Variants in ADAMTS6 observed in about 807,000 individuals in gnomAD.
The protein encoded by ADAMTS6 is ADAM metallopeptidase with thrombospondin type 1 motif 6.
Under a neutral mutation model 144.3 loss-of-function variants are expected in ADAMTS6, and 23 were observed. The ratio of observed to expected loss-of-function variants is 0.16; its 90% CI spans 0.11 to 0.23. The LOEUF is 0.23. Ranked by LOEUF, ADAMTS6 falls within the 10% of genes least tolerant of loss-of-function variation. ADAMTS6 has a pLI of 1.00. For missense variants in ADAMTS6, 999 were observed against 1,379.6 expected, an observed-to-expected ratio of 0.72 and a Z score of 4.37; for synonymous variants, 444 against 457.5, an observed-to-expected ratio of 0.97 and a Z score of 0.38.
At chr5:65,168,252 A>G (rs1228765631) in intron 24 of ADAMTS6, among the ~76,000 whole-genome samples, 4 of 150,962 alleles carry the variant, frequency 2.6e-5, no homozygotes, top group Non-Finnish European at 5.9e-5. Flanking sequence ...AGACAAACAG[A>G]GAGCCAAATC....
rs192639588 is a variant in ADAMTS6, at chr5:65,456,365, T to C, written c.632-3447A>G. ...TCATAAACACATACAACACAATAAC[T>C]TTTTCCCAAAATCAATATATGGATT... is the stretch of plus-strand genomic sequence containing the variant. On this transcript the variant is annotated intron_variant, in intron 4 of 24. Transcript: ENST00000381055. 2.5e-3 allele frequency among the ~76,000 whole-genome samples: 381 copies of C among 152,256 alleles called. 3 individuals are homozygous for C. Among genetic ancestry groups the C allele is most frequent in the African/African-American group, 8.9e-3 (369 of 41,544 alleles).
At chr5:65,297,421 T>A (rs977490952) in intron 10 of ADAMTS6, among the ~76,000 whole-genome samples, 17 of 152,292 alleles carry the variant, frequency 1.1e-4, no homozygotes, top group African/African-American at 4.1e-4. Context: ...AAATCCACCA[T>A]CATCTTTGGC....
In ADAMTS6 at chr5:65,200,820, C is replaced by T. The variant is rs137974157; in HGVS notation, c.2576-3669G>A. Among the ~76,000 whole-genome samples, 416 of 152,196 alleles carry T rather than the reference C, an allele frequency of 2.7e-3. 3 individuals are homozygous for T. Among genetic ancestry groups the T allele is most frequent in the African/African-American group, 9.7e-3 (403 of 41,540 alleles). The stretch of plus-strand genomic sequence containing the variant: ...AGATGATATTGCCAATATATATTTA[C>T]TTTAAACCCTCTACAAAAGGTATAT... On this transcript the variant is annotated intron_variant, in intron 20 of 24. Coordinates refer to ENST00000381055, the MANE Select transcript of ADAMTS6 (RefSeq NM_197941.4).
At chr5:65,251,786 C>A in intron 14 of ADAMTS6, 1 of 152,122 alleles carries the variant, frequency 6.6e-6, no homozygotes, top group East Asian at 1.9e-4. Flanking sequence ...GCTTGACATC[C>A]TTTTCTGATC....
intron 10 of ADAMTS6, 117 bp downstream of exon 10, chr5:65,299,868 C>T: frequency 8.8e-7 from 1 of 1,133,280 alleles, no homozygotes; most frequent in Non-Finnish European, 1.2e-6. Flanking sequence ...AAAGTTGAAA[C>T]ATCAGTAGGC....
At position 65,452,689 on chromosome 5, in the gene ADAMTS6, T is replaced by G; in HGVS notation, c.843+18A>C. ...AACAAATATGAAGTAAAATATTATA[T>G]AGAGGGATCAAACTTACAATATTCA... On this transcript the variant is annotated intron_variant, in intron 5 of 24. Transcript: ENST00000381055. 6.2e-7 allele frequency: 1 copy of G among 1,612,562 alleles called. No homozygotes were observed. Among genetic ancestry groups the G allele is most frequent in the South Asian group, 1.1e-5 (1 of 91,004 alleles).
intron 7 of ADAMTS6, among the ~76,000 whole-genome samples, chr5:65,391,944 C>G (rs538438539): frequency 3.6e-4 from 55 of 152,168 alleles, no homozygotes; most frequent in East Asian, 1.7e-3. Context: ...CCACATTGGC[C>G]AGGCTGGTCT....
intron 4 of ADAMTS6, among the ~76,000 whole-genome samples, chr5:65,454,463 G>A (rs957146267): frequency 1.2e-4 from 19 of 152,166 alleles, no homozygotes; most frequent in African/African-American, 4.6e-4. Flanking sequence ...CCTCCAGATA[G>A]TGTTTCTCTA....
At chr5:65,215,034 C>T in intron 19 of ADAMTS6, 102 bp from the exon 20 acceptor site, 1 of 1,423,826 alleles carries the variant, frequency 7.0e-7, no homozygotes, top group Non-Finnish European at 9.4e-7. Flanking sequence ...ACAAGTCTTA[C>T]AGGAAACTTA....
chr5:65,182,173 C>T (rs73103501), intron 22 of ADAMTS6, among the ~76,000 whole-genome samples: 22,990 of 151,848 alleles, frequency 0.15, 2,998 homozygotes, highest in African/African-American at 0.35. Flanking sequence ...AGCCTGGGTG[C>T]GGTGGCTCAC....
At chr5:65,226,389 G>A (rs1757726552) in intron 15 of ADAMTS6, among the ~76,000 whole-genome samples, 170 bp from the exon 16 acceptor site, 1 of 151,748 alleles carries the variant, frequency 6.6e-6, no homozygotes, top group Non-Finnish European at 1.5e-5. Flanking sequence ...TATTTTAATT[G>A]GTGGTGCAAC....
intron 7 of ADAMTS6, among the ~76,000 whole-genome samples, chr5:65,413,690 C>A (rs1243377830): frequency 6.6e-6 from 1 of 151,950 alleles, no homozygotes; most frequent in African/African-American, 2.4e-5. Flanking sequence ...CCTGTTCTTA[C>A]ACATTTAGAG....
At chr5:65,234,510 A>G (rs1758522093) in intron 15 of ADAMTS6, among the ~76,000 whole-genome samples, 1 of 152,082 alleles carries the variant, frequency 6.6e-6, no homozygotes, top group African/African-American at 2.4e-5. Context: ...AAGGTGTGCA[A>G]AATCACTAAT....
chr5:65,195,648 T>A (rs923580147), intron 21 of ADAMTS6, among the ~76,000 whole-genome samples: 5 of 152,256 alleles, frequency 3.3e-5, no homozygotes, highest in Admixed American at 1.3e-4. Context: ...GGATTATTTA[T>A]GTATTTTAAC....
chr5:65,272,794 A>C (rs1231239373), intron 12 of ADAMTS6, among the ~76,000 whole-genome samples: 4 of 151,626 alleles, frequency 2.6e-5, no homozygotes, highest in African/African-American at 9.7e-5. Flanking sequence ...GGTGGTGTGT[A>C]CCTGTAGTCC....
rs79080194 is a variant in ADAMTS6, at chr5:65,261,376, T to C, written c.1767-713A>G. On this transcript the variant is annotated intron_variant, in intron 13 of 24. Transcript: ENST00000381055. Reference sequence around the variant, plus strand: ...TTGCTATTATTTGGGCATACTACCATTGAGTGATAAAAACAACTAATTTCT... The same window carrying C: ...TTGCTATTATTTGGGCATACTACCACTGAGTGATAAAAACAACTAATTTCT... Among the ~76,000 whole-genome samples, 493 of 152,298 alleles carry C rather than the reference T, an allele frequency of 3.2e-3. 4 individuals are homozygous for C. The highest frequency in any genetic ancestry group is 0.011 in the African/African-American group (460 of 41,572).
intron 22 of ADAMTS6, 22 bp downstream of exon 22, chr5:65,187,994 A>C: frequency 6.2e-7 from 1 of 1,612,718 alleles, no homozygotes; most frequent in African/African-American, 1.3e-5. Context: ...AAACATATAC[A>C]TATAGCCTCA....
At chr5:65,218,076 T>C (rs889711216) in intron 18 of ADAMTS6, among the ~76,000 whole-genome samples, 1 of 152,120 alleles carries the variant, frequency 6.6e-6, no homozygotes, top group African/African-American at 2.4e-5. Context: ...ATAGCTGGAA[T>C]ATGCAGGACC....
chr5:65,458,861 G>A (rs1247487571), intron 4 of ADAMTS6, among the ~76,000 whole-genome samples: 3 of 152,134 alleles, frequency 2.0e-5, no homozygotes, highest in Non-Finnish European at 4.4e-5. Context: ...TAACACTTTA[G>A]TGTACTAGAA....
Sources: gnomAD v4.1 joint callset for allele counts (sites outside exome capture counted in the v4.1 genomes callset) on GRCh38, gnomAD v4.1.1 for gene constraint, MANE v1.5 for transcripts, NCBI Gene and HGNC (gene_info 2026-07-23, HGNC 2026-07-21) for gene names.